Variants in SCN7A observed in about 807,000 individuals in gnomAD.
The protein encoded by SCN7A is sodium channel protein type 7 subunit alpha.
Under a neutral mutation model 155.2 loss-of-function variants are expected in SCN7A, and 138 were observed. The ratio of observed to expected loss-of-function variants is 0.89; its 90% CI spans 0.77 to 1.02. SCN7A has a LOEUF of 1.02. SCN7A is among the 50% of genes least tolerant of loss of function. SCN7A has a pLI of 0.00. For synonymous variants in SCN7A, 693 were observed against 649.0 expected, an observed-to-expected ratio of 1.07 and a Z score of -1.03; for missense variants, 2,058 against 1,986.6, an observed-to-expected ratio of 1.04 and a Z score of -0.68.
chr2:166,456,873 A>G lies in SCN7A; in HGVS notation c.1287T>C (p.Asp429=). ...ATAGATAGATAGATATAGATACCTC[A>G]TCTGTTTCATTTCCTTCTTGAAGTT... is the stretch of plus-strand genomic sequence containing the variant. The part of the protein sequence containing the change: ...GKELQEGNET[D]EAKTIQIEMK... Residue 429 remains aspartate (D), a synonymous_variant, in exon 11 of 26, where the codon GAT becomes GAC. Coordinates refer to ENST00000643258, the MANE Select transcript of SCN7A (RefSeq NM_002976.4). 1.3e-6 allele frequency: 2 copies of G among 1,505,168 alleles called. No individual in the cohort carries two copies. Among genetic ancestry groups the G allele is most frequent in the Non-Finnish European group, 1.8e-6 (2 of 1,108,058 alleles). 93.2% of individuals were successfully genotyped at this position (1,505,168 alleles called of 1,614,324 possible).
intron 1 of SCN7A, among the ~76,000 whole-genome samples, chr2:166,491,756 G>T (rs1157677834): frequency 6.6e-6 from 1 of 150,882 alleles, no homozygotes; most frequent in Non-Finnish European, 1.5e-5. Context: ...TGGGGGTGGG[G>T]GTGGGCAGAG....
chr2:166,458,326 C>CA (rs71395231), intron 10 of SCN7A, among the ~76,000 whole-genome samples: 13,278 of 97,750 alleles, frequency 0.14, 735 homozygotes, highest in Middle Eastern at 0.22. Flanking sequence ...GACCATGTAT[C>CA]AAAAAAAAAA....
chr2:166,459,698 T>C (rs148933754), intron 10 of SCN7A, among the ~76,000 whole-genome samples: 123 of 152,218 alleles, frequency 8.1e-4, no homozygotes, highest in African/African-American at 2.8e-3. Flanking sequence ...GAGTACACTA[T>C]TCCCAATAGC....
intron 6 of SCN7A, among the ~76,000 whole-genome samples, chr2:166,471,786 T>A (rs1400647962): frequency 6.6e-6 from 1 of 151,588 alleles, no homozygotes; most frequent in Non-Finnish European, 1.5e-5. Context: ...ACTGGTCTTA[T>A]GCAATGTAGC....
intron 15 of SCN7A, among the ~76,000 whole-genome samples, chr2:166,435,675 C>T (rs546349878): frequency 1.1e-4 from 16 of 152,142 alleles, no homozygotes; most frequent in African/African-American, 3.9e-4. Context: ...TCTTGAGTTA[C>T]ATCTTAACAT....
intron 21 of SCN7A, 31 bp downstream of exon 21, chr2:166,416,676 A>G (rs763085989): frequency 1.9e-5 from 30 of 1,540,776 alleles, no homozygotes; most frequent in Non-Finnish European, 2.3e-5. Flanking sequence ...TGAATATATA[A>G]TTAATAAGGA....
intron 20 of SCN7A, among the ~76,000 whole-genome samples, chr2:166,419,262 G>A (rs1701458632): frequency 6.6e-6 from 1 of 151,682 alleles, no homozygotes; most frequent in African/African-American, 2.4e-5. Context: ...GTGTGTGCAT[G>A]TGTATTTTGA....
intron 11 of SCN7A, among the ~76,000 whole-genome samples, chr2:166,451,279 A>G (rs1479137785): frequency 1.3e-5 from 2 of 152,182 alleles, no homozygotes; most frequent in Non-Finnish European, 2.9e-5. Context: ...AGGTCTGTCT[A>G]GTAATATATT....
Position 166,474,348 on chromosome 2 carries a change from T to C in SCN7A, c.235-4A>G. The C allele has an allele frequency of 1.5e-6, 2 of 1,364,000 alleles. No homozygotes were observed. The highest frequency in any genetic ancestry group is 2.0e-6 in the Non-Finnish European group (2 of 998,272). 84.5% of individuals were successfully genotyped at this position (1,364,000 alleles called of 1,614,324 possible). On this transcript the variant is annotated splice_region_variant and splice_polypyrimidine_tract_variant and intron_variant, in intron 3 of 25. Coordinates refer to ENST00000643258, the MANE Select transcript of SCN7A (RefSeq NM_002976.4). ...TTTTATTTAATACTATGAAAGTCTG[T>C]AAGAAGAAAAGCGATCAAGTGAAAT...
intron 18 of SCN7A, among the ~76,000 whole-genome samples, chr2:166,425,174 T>C (rs996132714): frequency 6.6e-6 from 1 of 152,148 alleles, no homozygotes; most frequent in Non-Finnish European, 1.5e-5. Flanking sequence ...TTGAGGATTA[T>C]GAAGAGGCCT....
chr2:166,481,489 TAGAGA>T (rs1313319467), intron 2 of SCN7A, among the ~76,000 whole-genome samples: 1 of 152,124 alleles, frequency 6.6e-6, no homozygotes, highest in Non-Finnish European at 1.5e-5. Context: ...ACAAGTACAG[TAGAGA>T]AGAGATGTGT....
chr2:166,433,236 ATT>A (rs1246451596), intron 15 of SCN7A, among the ~76,000 whole-genome samples: 1 of 152,182 alleles, frequency 6.6e-6, no homozygotes, highest in East Asian at 1.9e-4. Flanking sequence ...GAAGTAATGC[ATT>A]TGTTAATTAG....
chr2:166,423,160 G>C (rs1701546919), intron 19 of SCN7A, 99 bp downstream of exon 19: 1 of 1,159,844 alleles, frequency 8.6e-7, no homozygotes, highest in Non-Finnish European at 1.2e-6. Flanking sequence ...TAGAGAGAGA[G>C]GGAAAGGAAA....
At chr2:166,430,587 T>C (rs1449396312) in intron 16 of SCN7A, among the ~76,000 whole-genome samples, 1 of 151,888 alleles carries the variant, frequency 6.6e-6, no homozygotes, top group Admixed American at 6.6e-5. Flanking sequence ...ATTTTTCTAA[T>C]TTTACAAATA....
At chr2:166,408,470 A>T (rs563141424) in intron 25 of SCN7A, among the ~76,000 whole-genome samples, 3 of 152,154 alleles carry the variant, frequency 2.0e-5, no homozygotes, top group South Asian at 4.1e-4. Flanking sequence ...CTGAAACTGC[A>T]AATTCAAACT....
chr2:166,462,152 TTCTCTC>T (rs138547688), intron 10 of SCN7A: 7 of 342,844 alleles, frequency 2.0e-5, no homozygotes, highest in African/African-American at 1.1e-4. Flanking sequence ...CTCTCCTCTC[TTCTCTC>T]TCTCTCTCTC....
At position 166,443,506 on chromosome 2, in the gene SCN7A, C is replaced by T. The variant is rs377556199; in HGVS notation, c.1797G>A (p.Arg599=). The change falls in exon 14 of 26, where the codon AGG becomes AGA. Residue 599 remains arginine (R), a synonymous_variant. Coordinates refer to ENST00000643258, the MANE Select transcript of SCN7A (RefSeq NM_002976.4). ...VAGMALLRLF[R]MLRIFKLGKY... is the part of the protein sequence containing the mutation. ...TTAGGTATTGGATTCTACTTACCAT[C>T]CTGAATAATCGAAGAAGAGCCATTC... 23 of 1,590,324 alleles carry T rather than the reference C, an allele frequency of 1.4e-5. No homozygotes were observed. Among genetic ancestry groups the T allele is most frequent in the Non-Finnish European group, 1.7e-5 (20 of 1,168,732 alleles).
At chr2:166,429,934 G>A (rs1252460581) in intron 16 of SCN7A, among the ~76,000 whole-genome samples, 1 of 151,982 alleles carries the variant, frequency 6.6e-6, no homozygotes, top group Non-Finnish European at 1.5e-5. Context: ...CTTTACATAG[G>A]TAATAGTGCT....
intron 11 of SCN7A, among the ~76,000 whole-genome samples, chr2:166,451,694 C>T (rs1014273776): frequency 7.2e-5 from 11 of 152,296 alleles, no homozygotes; most frequent in African/African-American, 2.4e-4. Context: ...ACATTCTTCA[C>T]ATCTCAACTG....
Sources: gnomAD v4.1 joint callset for allele counts (sites outside exome capture counted in the v4.1 genomes callset) on GRCh38, gnomAD v4.1.1 for gene constraint, MANE v1.5 for transcripts, NCBI Gene and HGNC (gene_info 2026-07-23, HGNC 2026-07-21) for gene names.